TLCD5: variants seen among roughly 807,000 people sequenced by gnomAD.
TLCD5 encodes the protein TLC domain-containing protein 5.
Under a neutral mutation model 20.5 loss-of-function variants are expected in TLCD5, and 15 were observed. That is an observed-to-expected ratio of 0.73 (90% confidence interval 0.49 to 1.13). TLCD5 has a LOEUF of 1.13. TLCD5 is among the 50% of genes most tolerant of loss of function. TLCD5 has a pLI of 0.00. For synonymous variants in TLCD5, 107 were observed against 114.7 expected (o/e 0.93, Z 0.43); for missense variants, 289 against 305.6 (o/e 0.95, Z 0.41).
intron 1 of TLCD5, among the ~76,000 whole-genome samples, chr11:120,325,686 CCA>C (rs1565398223): frequency 6.6e-6 from 1 of 152,206 alleles, no homozygotes; most frequent in Non-Finnish European, 1.5e-5. Context: ...CTCCTCCTCG[CCA>C]GTCTGGCCCT....
intron 1 of TLCD5, 58 bp from the exon 2 acceptor site, chr11:120,327,382 CA>C: frequency 6.2e-7 from 1 of 1,613,258 alleles, no homozygotes; most frequent in Non-Finnish European, 8.5e-7. Flanking sequence ...CAAAATGACC[CA>C]GTGCTGTTTT....
rs36145001 is a variant in TLCD5 at position 120,328,678 on chromosome 11, A to AGTGTGTGTGTGTGTGTGT, written c.199+1051_199+1068dup. Among the ~76,000 whole-genome samples, 21 of 24,160 alleles carry AGTGTGTGTGTGTGTGTGT rather than the reference A, an allele frequency of 8.7e-4. 1 individual carries two copies. The highest frequency in any genetic ancestry group is 1.2e-3 in the Non-Finnish European group (12 of 9,950). The allele number at this position is 24,160 out of a possible 152,430, so 15.8% of individuals were successfully genotyped here. ...AATCCCTTCTAAGGATAACAGTCAT[A>AGTGTGTGTGTGTGTGTGT]GTGTGTGTGTGTGTGTGTGTGTGTG... On this transcript the variant is annotated intron_variant, in intron 2 of 2. Coordinates refer to ENST00000375095, the MANE Select transcript of TLCD5 (RefSeq NM_001198671.2).
intron 2 of TLCD5, among the ~76,000 whole-genome samples, chr11:120,328,917 AGT>A (rs369015878): frequency 0.023 from 730 of 32,240 alleles, 17 homozygotes; most frequent in African/African-American, 0.052. Flanking sequence ...TAACAGTCAT[AGT>A]GTGTGTGTGT....
chr11:120,327,195 T>C, intron 1 of TLCD5: 2 of 622,996 alleles, frequency 3.2e-6, no homozygotes, highest in Non-Finnish European at 5.6e-6. Context: ...CAGCTCGGAG[T>C]GCAGTTCCTG....
chr11:120,330,185 C>T lies in TLCD5; in HGVS notation c.408C>T (p.Thr136=). 1 of 1,581,444 alleles carries T rather than the reference C, an allele frequency of 6.3e-7. No homozygotes were observed. The change falls in exon 3 of 3, where the codon ACC becomes ACT. Residue 136 remains threonine (T), a synonymous_variant. Transcript: ENST00000375095. ...CAGTCCTCTTTGGAAGTGAGCTTAC[C>T]AACCCCTTGCTACAGATGCGCTGGT... ...VNAVLFGSEL[T]NPLLQMRWFL...
chr11:120,325,698 T>G (rs552327852), intron 1 of TLCD5, among the ~76,000 whole-genome samples: 1 of 152,292 alleles, frequency 6.6e-6, no homozygotes, highest in African/African-American at 2.4e-5. Context: ...AGTCTGGCCC[T>G]GGAACGGGAG....
chr11:120,326,025 C>A (rs149287303), intron 1 of TLCD5, among the ~76,000 whole-genome samples: 47 of 152,180 alleles, frequency 3.1e-4, no homozygotes, highest in African/African-American at 1.1e-3. Flanking sequence ...GAGGGCAGTT[C>A]TCTTCACCTG....
intron 1 of TLCD5, among the ~76,000 whole-genome samples, chr11:120,326,566 T>C (rs1291649834): frequency 6.6e-6 from 1 of 152,256 alleles, no homozygotes; most frequent in African/African-American, 2.4e-5. Context: ...GAGGAGCTAA[T>C]GAATACTAAC....
chr11:120,330,236 C>G lies in TLCD5; in HGVS notation c.459C>G (p.His153Gln). The G allele has an allele frequency of 3.2e-6, 5 of 1,553,434 alleles. No individual in the cohort carries two copies. The highest frequency in any genetic ancestry group is 4.3e-6 in the Non-Finnish European group (5 of 1,149,450). ...TTCTCCGGGAAACAGGGCACTATCA[C>G]AGTTTCACTGGAGATGTAGTGGACT... is the stretch of plus-strand genomic sequence containing the variant. ...RWFLRETGHY[H>Q]SFTGDVVDFL... Residue 153 changes from histidine (H) to glutamine (Q), a missense_variant, in exon 3 of 3, where the codon CAC becomes CAG. Physicochemically the swap from His to Gln is conservative, Grantham distance 24. Coordinates refer to ENST00000375095, the MANE Select transcript of TLCD5 (RefSeq NM_001198671.2).
In TLCD5 at chr11:120,333,586, G is replaced by A. The variant is rs1355579559; in HGVS notation, c.*3071G>A. 6.6e-6 allele frequency: 1 copy of A among 152,166 alleles called. No individual in the cohort carries two copies. Among genetic ancestry groups the A allele is most frequent in the Non-Finnish European group, 1.5e-5 (1 of 68,040 alleles). The allele number at this position is 152,166 out of a possible 1,614,324, so 9.4% of individuals were successfully genotyped here. ...CAAAATGAAGTACTCATTTGCACTG[G>A]ATTACTGTGTAATGATAACGAACAC... On this transcript the variant is annotated 3_prime_UTR_variant, in exon 3 of 3. Coordinates refer to ENST00000375095, the MANE Select transcript of TLCD5 (RefSeq NM_001198671.2). This position sits in a 1 kb window ranked among gnomAD's most constrained non-coding sequence, Gnocchi z 4.5.
Position 120,333,124 on chromosome 11 carries a change from GA to G in TLCD5, c.*2610del, listed in dbSNP as rs1385069110. ...TCCAACAAAATTGCGGTCAAAGTAGGATGCTGGGGAATGCTGATTTTAGCAA... is the reference window on the plus strand; with the variant it reads ...TCCAACAAAATTGCGGTCAAAGTAGGTGCTGGGGAATGCTGATTTTAGCAA... On this transcript the variant is annotated 3_prime_UTR_variant, in exon 3 of 3. Transcript: ENST00000375095. The surrounding 1 kb of genome is among the most constrained non-coding windows in gnomAD (Gnocchi z 4.5). The G allele has an allele frequency of 5.3e-5, 8 of 151,906 alleles. No individual in the cohort carries two copies. Among genetic ancestry groups the G allele is most frequent in the Admixed American group, 2.0e-4 (3 of 15,238 alleles). The allele number at this position is 151,906 out of a possible 1,614,324, so 9.4% of individuals were successfully genotyped here.
At chr11:120,326,595 C>T (rs1344852429) in intron 1 of TLCD5, among the ~76,000 whole-genome samples, 1 of 152,182 alleles carries the variant, frequency 6.6e-6, no homozygotes, top group Non-Finnish European at 1.5e-5. Context: ...ACATCTTGCT[C>T]ATTTAGATTT....
chr11:120,328,365 G>T (rs1469032483), intron 2 of TLCD5, among the ~76,000 whole-genome samples: 1 of 152,138 alleles, frequency 6.6e-6, no homozygotes, highest in Non-Finnish European at 1.5e-5. Flanking sequence ...ACAGGTGTGA[G>T]CCACCGCACC....
chr11:120,328,678 A>AGTGTGT (rs36145001), intron 2 of TLCD5, among the ~76,000 whole-genome samples: 1,427 of 23,882 alleles, frequency 0.06, 61 homozygotes, highest in South Asian at 0.1. Context: ...TAACAGTCAT[A>AGTGTGT]GTGTGTGTGT....
intron 1 of TLCD5, chr11:120,327,185 C>G: frequency 1.6e-6 from 1 of 606,866 alleles, no homozygotes; most frequent in South Asian, 2.1e-5. Context: ...GTCAGCCTAC[C>G]AGCTCGGAGT....
chr11:120,328,841 TA>T, intron 2 of TLCD5, among the ~76,000 whole-genome samples: 1 of 87,730 alleles, frequency 1.1e-5, no homozygotes, highest in African/African-American at 4.5e-5. Flanking sequence ...ATAACAGTCA[TA>T]GTGTGTGTGT....
chr11:120,327,118 C>G (rs1484033314), intron 1 of TLCD5: 5 of 486,246 alleles, frequency 1.0e-5, no homozygotes, highest in Non-Finnish European at 1.8e-5. Flanking sequence ...TATTATTGCC[C>G]AAGGTCAGTC....
rs371206497 is a variant in TLCD5 at position 120,329,038 on chromosome 11, T to C, written c.200-939T>C. Among the ~76,000 whole-genome samples, 59 of 151,624 alleles carry C rather than the reference T, an allele frequency of 3.9e-4. 1 individual carries two copies. The East Asian group carries it at 0.011, about 27-fold the overall frequency. ...GTGTGTGTATGTGTTTGTATATGTA[T>C]GCGTATCTGTGTCCTTATCCCTTCT... is the stretch of plus-strand genomic sequence containing the variant. On this transcript the variant is annotated intron_variant, in intron 2 of 2. Coordinates refer to ENST00000375095, the MANE Select transcript of TLCD5 (RefSeq NM_001198671.2).
In TLCD5 at chr11:120,330,712, A is replaced by G; in HGVS notation, c.*197A>G. 1 of 577,034 alleles carries G rather than the reference A, an allele frequency of 1.7e-6. No individual in the cohort carries two copies. Among genetic ancestry groups the G allele is most frequent in the Non-Finnish European group, 3.0e-6 (1 of 337,546 alleles). The allele number at this position is 577,034 out of a possible 1,614,324, so 35.7% of individuals were successfully genotyped here. On this transcript the variant is annotated 3_prime_UTR_variant, in exon 3 of 3. Coordinates refer to ENST00000375095, the MANE Select transcript of TLCD5 (RefSeq NM_001198671.2). ...AACTTCTACAGTAGCACAGTTGTAG[A>G]AAGTGAGAATACTCCATGGTAGTTG...
Sources: gnomAD v4.1 joint callset for allele counts (sites outside exome capture counted in the v4.1 genomes callset) on GRCh38, gnomAD v4.1.1 for gene constraint, Gnocchi (gnomAD v3.1) non-coding constraint, MANE v1.5 for transcripts, NCBI Gene and HGNC (gene_info 2026-07-23, HGNC 2026-07-21) for gene names.